MARK4: variants seen among roughly 807,000 people sequenced by gnomAD.
MARK4 encodes MAP/microtubule affinity-regulating kinase 4.
Under a neutral mutation model 81.5 loss-of-function variants are expected in MARK4, and 19 were observed. That is an observed-to-expected ratio of 0.23 (90% CI 0.16 to 0.34). MARK4 has a LOEUF of 0.34. Among genes scored for constraint, MARK4 ranks in the 10% least tolerant of loss-of-function variants. The pLI is 1.00. For missense variants in MARK4, 772 were observed against 1,058.8 expected (o/e 0.73, Z 3.76); for synonymous variants, 436 against 439.0 (o/e 0.99, Z 0.08).
chr19:45,290,239 C>T (rs1599799701), intron 13 of MARK4, among the ~76,000 whole-genome samples: 1 of 152,264 alleles, frequency 6.6e-6, no homozygotes, highest in Non-Finnish European at 1.5e-5. Flanking sequence ...ACACCCAAGG[C>T]AAACCAAGGT....
rs545747202 is a variant in MARK4 at position 45,294,472 on chromosome 19, A to T, written c.1598+20A>T. The T allele has an allele frequency of 1.2e-6, 2 of 1,603,566 alleles. No homozygotes were observed. Among genetic ancestry groups the T allele is most frequent in the East Asian group, 2.2e-5 (1 of 44,766 alleles). On this transcript the variant is annotated intron_variant, in intron 14 of 16. Coordinates refer to ENST00000262891, the MANE Select transcript of MARK4 (RefSeq NM_001199867.2). Reference sequence around the variant, plus strand: ...AAACAGGTACGGAGGGGGCAGCAACAGGGTGAGGGGTGGGAAGTAGGGGGT... The same window carrying T: ...AAACAGGTACGGAGGGGGCAGCAACTGGGTGAGGGGTGGGAAGTAGGGGGT...
chr19:45,281,714 G>A (rs1178080293), intron 12 of MARK4, among the ~76,000 whole-genome samples: 1 of 152,136 alleles, frequency 6.6e-6, no homozygotes, highest in Non-Finnish European at 1.5e-5. Context: ...TCTGGTCCAG[G>A]ATGAAGCTCT....
chr19:45,271,714 G>A lies in MARK4; in HGVS notation c.786+6G>A, dbSNP rs770994443. 5.6e-6 allele frequency: 9 copies of A among 1,613,192 alleles called. No homozygotes were observed. The South Asian group carries it at 6.6e-5, about 12-fold the overall frequency. On this transcript the variant is annotated splice_donor_region_variant and intron_variant, in intron 8 of 16. Coordinates refer to ENST00000262891, the MANE Select transcript of MARK4 (RefSeq NM_001199867.2). The surrounding 1 kb of genome is among the most constrained non-coding windows in gnomAD (Gnocchi z 4.1). ...TCGACGGGCACAACCTCAAGGTACC[G>A]AGAGGGGCTGGGTGCAGGGGCATCA...
intron 15 of MARK4, among the ~76,000 whole-genome samples, chr19:45,299,064 TA>T (rs59720430): frequency 0.024 from 2,048 of 84,932 alleles, 81 homozygotes; most frequent in African/African-American, 0.1. Context: ...AACCTGTCTC[TA>T]AAAAAAAAAA....
chr19:45,286,239 A>G (rs1206537199), intron 12 of MARK4, among the ~76,000 whole-genome samples: 2 of 151,806 alleles, frequency 1.3e-5, no homozygotes, highest in African/African-American at 4.8e-5. Flanking sequence ...TATTTTTAGT[A>G]GAGACAGGGT....
At chr19:45,262,647 T>C (rs1599780397) in intron 2 of MARK4, among the ~76,000 whole-genome samples, 2 of 152,172 alleles carry the variant, frequency 1.3e-5, no homozygotes, top group Non-Finnish European at 2.9e-5. Flanking sequence ...GGAATAAGGA[T>C]ATTTCTCTGC....
At chr19:45,257,959 A>T (rs1457903093) in intron 1 of MARK4, among the ~76,000 whole-genome samples, 3 of 142,128 alleles carry the variant, frequency 2.1e-5, no homozygotes, top group Admixed American at 7.1e-5. Flanking sequence ...AAAGTGCTGG[A>T]ATTACAGGTG....
At chr19:45,284,646 A>T (rs748704192) in intron 12 of MARK4, among the ~76,000 whole-genome samples, 1 of 151,910 alleles carries the variant, frequency 6.6e-6, no homozygotes, top group Non-Finnish European at 1.5e-5. Context: ...GATTTCTTAC[A>T]TCTCAGTTTT....
intron 7 of MARK4, among the ~76,000 whole-genome samples, chr19:45,270,596 G>A (rs1970513748): frequency 6.6e-6 from 1 of 152,022 alleles, no homozygotes; most frequent in Non-Finnish European, 1.5e-5. Flanking sequence ...ATGAAATACT[G>A]TTCTAGCTTT....
chr19:45,270,165 C>A (rs1172687585), intron 7 of MARK4, among the ~76,000 whole-genome samples: 2 of 152,146 alleles, frequency 1.3e-5, no homozygotes, highest in African/African-American at 2.4e-5. Context: ...GCTCTAGGGG[C>A]CGCTGTGAGC....
chr19:45,266,329 A>C, intron 7 of MARK4, 48 bp downstream of exon 7: 1 of 1,586,216 alleles, frequency 6.3e-7, no homozygotes, highest in Non-Finnish European at 8.7e-7. Flanking sequence ...CTCAGCCCAC[A>C]GACTTCTCCC....
rs1425642139 is a variant in MARK4 at position 45,271,831 on chromosome 19, G to A, written c.786+123G>A. The A allele has an allele frequency of 2.1e-6, 2 of 940,178 alleles. No homozygotes were observed. Among genetic ancestry groups the A allele is most frequent in the African/African-American group, 3.3e-5 (2 of 60,866 alleles). The allele number at this position is 940,178 out of a possible 1,614,324, so 58.2% of individuals were successfully genotyped here. ...CTGGCCTGAGTTCTCATGGGAAGAT[G>A]GGGGATGGGCAGGATTCAAGTCCCC... On this transcript the variant is annotated intron_variant, in intron 8 of 16. Transcript: ENST00000262891. The surrounding 1 kb of genome is among the most constrained non-coding windows in gnomAD (Gnocchi z 4.1).
chr19:45,252,955 G>A (rs1417505522), intron 1 of MARK4, among the ~76,000 whole-genome samples: 1 of 151,384 alleles, frequency 6.6e-6, no homozygotes, highest in Non-Finnish European at 1.5e-5. Context: ...GACTTCCACT[G>A]CCCCCATGGC....
Position 45,283,409 on chromosome 19 carries a change from C to CA in MARK4, c.1276+2702dup, listed in dbSNP as rs869039919. 9.6e-3 allele frequency among the ~76,000 whole-genome samples: 831 copies of CA among 86,244 alleles called. 13 individuals are homozygous for CA. The highest frequency in any genetic ancestry group is 0.018 in the East Asian group (30 of 1,660). 56.6% of individuals were successfully genotyped at this position (86,244 alleles called of 152,430 possible). On this transcript the variant is annotated intron_variant, in intron 12 of 16. Transcript: ENST00000262891. ...GGGCGATAAGAGTGAGACTTCCTCT[C>CA]AAAAAAAAAAAAAAAAAAAAAAAAA...
In MARK4 at chr19:45,258,207, G is replaced by A. The variant is rs1333657910; in HGVS notation, c.52-782G>A. Among the ~76,000 whole-genome samples, 7 of 150,142 alleles carry A rather than the reference G, an allele frequency of 4.7e-5. 1 individual carries two copies. The highest frequency in any genetic ancestry group is 1.0e-4 in the Non-Finnish European group (7 of 67,530). On this transcript the variant is annotated intron_variant, in intron 1 of 16. Transcript: ENST00000262891. ...TCACCATATTGGCCAGGCTGGTCTC[G>A]AACTCCTGACCTCATGATCCACCCA...
At chr19:45,270,792 C>T (rs567692149) in intron 7 of MARK4, among the ~76,000 whole-genome samples, 5 of 151,670 alleles carry the variant, frequency 3.3e-5, no homozygotes, top group East Asian at 3.9e-4. Context: ...TTTTTTGAGA[C>T]GGAGTTTCGC....
chr19:45,264,756 C>T lies in MARK4; in HGVS notation c.421+7C>T, dbSNP rs375381658. On this transcript the variant is annotated splice_region_variant and intron_variant, in intron 5 of 16. Coordinates refer to ENST00000262891, the MANE Select transcript of MARK4 (RefSeq NM_001199867.2). ...ATGGAGTACGCAAGTGCTGGTGAGC[C>T]GCCCACCCTCTCCGCCCTGCCCCTG... 1.4e-4 allele frequency: 223 copies of T among 1,613,848 alleles called. No individual in the cohort carries two copies. Among genetic ancestry groups the T allele is most frequent in the Non-Finnish European group, 1.7e-4 (204 of 1,180,026 alleles).
At position 45,287,384 on chromosome 19, in the gene MARK4, C is replaced by G. The variant is rs926845645; in HGVS notation, c.1277-63C>G. On this transcript the variant is annotated intron_variant, in intron 12 of 16. Transcript: ENST00000262891. ...TGAGGAATTCTCAGGTTCCAACGATCCCCCAGAGTCAGTTCTGGGTTTCCG... is the reference window on the plus strand; with the variant it reads ...TGAGGAATTCTCAGGTTCCAACGATGCCCCAGAGTCAGTTCTGGGTTTCCG... 9 of 1,150,700 alleles carry G rather than the reference C, an allele frequency of 7.8e-6. No individual in the cohort carries two copies. The Admixed American group carries it at 3.0e-4, about 38-fold the overall frequency. The allele number at this position is 1,150,700 out of a possible 1,614,324, so 71.3% of individuals were successfully genotyped here. A position where few individuals can be genotyped will look rare whatever the true frequency, so the allele number is the denominator to read the frequency against.
intron 8 of MARK4, 100 bp from the exon 9 acceptor site, chr19:45,277,823 T>G (rs564120595): frequency 1.9e-4 from 141 of 735,612 alleles, no homozygotes; most frequent in African/African-American, 2.7e-4. Context: ...GGGACAAAGG[T>G]TGTGTGTGTG....
Sources: gnomAD v4.1 joint callset for allele counts (sites outside exome capture counted in the v4.1 genomes callset) on GRCh38, gnomAD v4.1.1 for gene constraint, Gnocchi (gnomAD v3.1) non-coding constraint, MANE v1.5 for transcripts, NCBI Gene and HGNC (gene_info 2026-07-23, HGNC 2026-07-21) for gene names.